The following LDAH variants were observed in gnomAD, a reference collection of about 807,000 sequenced individuals.
The protein encoded by LDAH is lipid droplet associated hydrolase, also known as lipid droplet-associated hydrolase.
Under a neutral mutation model 29.6 loss-of-function variants are expected in LDAH, and 26 were observed. The ratio of observed to expected loss-of-function variants is 0.88; its 90% confidence interval spans 0.64 to 1.22. LDAH has a LOEUF of 1.22. LDAH is among the 50% of genes most tolerant of loss of function. The pLI is 0.00. For missense variants in LDAH, 344 were observed against 387.3 expected (o/e 0.89, Z 0.94); for synonymous variants, 117 against 133.0 (o/e 0.88, Z 0.83).
chr2:20,780,653 CAA>C (rs771345336), intron 3 of LDAH, among the ~76,000 whole-genome samples: 14 of 152,290 alleles, frequency 9.2e-5, no homozygotes, highest in Non-Finnish European at 1.9e-4. Flanking sequence ...TATAGATTGC[CAA>C]GAGAGGAGCG....
chr2:20,688,927 T>A (rs1662787691), intron 6 of LDAH, among the ~76,000 whole-genome samples: 1 of 150,970 alleles, frequency 6.6e-6, no homozygotes. Flanking sequence ...GCCACGGTGG[T>A]TTGCTGTACC....
At position 20,790,408 on chromosome 2, in the gene LDAH, G is replaced by C. The variant is rs1275642389; in HGVS notation, c.155-10C>G. On this transcript the variant is annotated splice_polypyrimidine_tract_variant and intron_variant, in intron 2 of 6. Transcript: ENST00000237822. ...GAAAAACCTGGGTTACCTAAGAAAA[G>C]AAACACAGACCTTAGATTAATCAAA... is the stretch of plus-strand genomic sequence containing the variant. The C allele has an allele frequency of 6.2e-7, 1 of 1,610,998 alleles. No individual in the cohort carries two copies. The highest frequency in any genetic ancestry group is 8.5e-7 in the Non-Finnish European group (1 of 1,178,840).
chr2:20,788,629 C>G (rs750671907), intron 3 of LDAH, among the ~76,000 whole-genome samples: 2 of 152,036 alleles, frequency 1.3e-5, no homozygotes, highest in African/African-American at 2.4e-5. Flanking sequence ...CAAAAAGATG[C>G]TCATACCACT....
chr2:20,716,577 T>TG (rs1665209236), intron 5 of LDAH, among the ~76,000 whole-genome samples: 2 of 30,064 alleles, frequency 6.7e-5, no homozygotes, highest in African/African-American at 2.6e-4. Context: ...GGGCCTGTCG[T>TG]GGGGTGGGGG....
At chr2:20,795,953 A>C (rs1487066365) in intron 2 of LDAH, among the ~76,000 whole-genome samples, 2 of 139,910 alleles carry the variant, frequency 1.4e-5, no homozygotes, top group Non-Finnish European at 3.2e-5. Context: ...TGCCACACAC[A>C]CACACACACA....
chr2:20,741,679 A>T (rs1298451289), intron 4 of LDAH, among the ~76,000 whole-genome samples: 1 of 152,132 alleles, frequency 6.6e-6, no homozygotes, highest in Non-Finnish European at 1.5e-5. Context: ...CCCACTTTAT[A>T]AGTTCTGTTG....
intron 5 of LDAH, among the ~76,000 whole-genome samples, chr2:20,733,821 G>A (rs1410046229): frequency 2.0e-5 from 3 of 152,136 alleles, no homozygotes; most frequent in African/African-American, 2.4e-5. Flanking sequence ...TTACAGTTGT[G>A]AGCTATAGTT....
rs148949303 is a variant in LDAH, at chr2:20,745,086, A to G, written c.469-4881T>C. On this transcript the variant is annotated intron_variant, in intron 4 of 6. Transcript: ENST00000237822. ...CAACTTCTAAGCTCCCTACATGTGG[A>G]ACTGGAAACCAGAAGTCCTAATAAT... is the stretch of plus-strand genomic sequence containing the variant. 5.1e-4 allele frequency among the ~76,000 whole-genome samples: 78 copies of G among 152,286 alleles called. 1 individual carries two copies. The highest frequency in any genetic ancestry group is 2.0e-3 in the Admixed American group (31 of 15,286).
chr2:20,719,981 G>A (rs1665531145), intron 5 of LDAH, among the ~76,000 whole-genome samples: 2 of 151,906 alleles, frequency 1.3e-5, no homozygotes, highest in Admixed American at 1.3e-4. Context: ...ATACCATAAG[G>A]GCAATATATG....
rs542786790 is a variant in LDAH at position 20,736,395 on chromosome 2, T to A, written c.703+3576A>T. ...AGGCGGAGGTTGCAGTGAGCTGAGATTGAGCCACTGCACCCTAGCCTGGGT... is the reference window on the plus strand; with the variant it reads ...AGGCGGAGGTTGCAGTGAGCTGAGAATGAGCCACTGCACCCTAGCCTGGGT... On this transcript the variant is annotated intron_variant, in intron 5 of 6. Transcript: ENST00000237822. Among the ~76,000 whole-genome samples, 3 of 152,072 alleles carry A rather than the reference T, an allele frequency of 2.0e-5. No individual in the cohort carries two copies. The South Asian group carries it at 6.2e-4, about 32-fold the overall frequency.
chr2:20,720,857 CA>C (rs1025827408), intron 5 of LDAH, among the ~76,000 whole-genome samples: 12 of 152,018 alleles, frequency 7.9e-5, no homozygotes, highest in Non-Finnish European at 2.9e-5. Flanking sequence ...TTGTTTTCAA[CA>C]AAGGCACTAA....
intron 1 of LDAH, among the ~76,000 whole-genome samples, chr2:20,816,904 C>T (rs1300484612): frequency 1.3e-5 from 2 of 151,854 alleles, no homozygotes; most frequent in Admixed American, 1.3e-4. Flanking sequence ...AAATCAACAA[C>T]AGAAAAACAA....
intron 5 of LDAH, among the ~76,000 whole-genome samples, chr2:20,714,690 T>G (rs1665028345): frequency 6.6e-6 from 1 of 152,062 alleles, no homozygotes; most frequent in Admixed American, 6.5e-5. Flanking sequence ...TACAAAATGA[T>G]AAAGGGGATA....
intron 5 of LDAH, among the ~76,000 whole-genome samples, chr2:20,723,288 T>C (rs1185197637): frequency 6.6e-6 from 1 of 152,130 alleles, no homozygotes; most frequent in African/African-American, 2.4e-5. Flanking sequence ...TAGATGTTAG[T>C]AGTAGTTACA....
intron 1 of LDAH, among the ~76,000 whole-genome samples, chr2:20,810,443 T>G (rs1672389406): frequency 6.6e-6 from 1 of 152,202 alleles, no homozygotes; most frequent in South Asian, 2.1e-4. Context: ...CCCATCAATA[T>G]TCAAAGACAG....
intron 2 of LDAH, among the ~76,000 whole-genome samples, chr2:20,794,857 T>C (rs1384423933): frequency 1.3e-5 from 2 of 152,174 alleles, no homozygotes; most frequent in African/African-American, 2.4e-5. Flanking sequence ...ACTGAACGCA[T>C]AGCAAGTATC....
At chr2:20,773,169 TAC>T (rs1304856984) in intron 4 of LDAH, among the ~76,000 whole-genome samples, 1 of 152,178 alleles carries the variant, frequency 6.6e-6, no homozygotes, top group African/African-American at 2.4e-5. Context: ...ACTTTAAAGT[TAC>T]AGATACCATT....
rs555163082 is a variant in LDAH at position 20,732,404 on chromosome 2, A to G, written c.703+7567T>C. Among the ~76,000 whole-genome samples the G allele has an allele frequency of 6.5e-4, 99 of 152,276 alleles. 2 individuals carry two copies. The South Asian group carries it at 0.02, about 31-fold the overall frequency. On this transcript the variant is annotated intron_variant, in intron 5 of 6. Coordinates refer to ENST00000237822, the MANE Select transcript of LDAH (RefSeq NM_021925.4). ...ATATTAGATAATACTAGCTTCAAAA[A>G]GTGAATTGGGATGTGTTCCCTCCTA...
chr2:20,788,386 T>C (rs1425285812), intron 3 of LDAH, among the ~76,000 whole-genome samples: 2 of 152,302 alleles, frequency 1.3e-5, no homozygotes, highest in East Asian at 3.9e-4. Context: ...CACATTCAAA[T>C]TTTAAAATAG....
Sources: allele counts gnomAD v4.1 joint callset (sites outside exome capture counted in the v4.1 genomes callset), GRCh38; gene constraint gnomAD v4.1.1; transcripts MANE v1.5; gene names NCBI Gene and HGNC (gene_info 2026-07-23, HGNC 2026-07-21).